KLHL14: variants seen among roughly 807,000 people sequenced by gnomAD.
KLHL14 encodes kelch like family member 14.
In KLHL14, 22 loss-of-function variants were observed where a neutral mutation model predicts 64.3. That is an observed-to-expected ratio of 0.34 (90% CI 0.24 to 0.49). The LOEUF (loss-of-function observed/expected upper bound fraction) is 0.49, where lower values mean the gene tolerates loss of function less well. Among genes scored for constraint, KLHL14 ranks in the 20% least tolerant of loss-of-function variants. The pLI is 0.99. For missense variants in KLHL14, 661 were observed against 789.0 expected (o/e 0.84, Z 1.94); for synonymous variants, 322 against 333.4 (o/e 0.97, Z 0.37).
intron 7 of KLHL14, among the ~76,000 whole-genome samples, chr18:32,679,155 C>CTGAACATGAACTTGACGAA (rs1475379016): frequency 7.1e-6 from 1 of 141,840 alleles, no homozygotes; most frequent in African/African-American, 2.8e-5. Context: ...ACTGGCATTT[C>CTGAACATGAACTTGACGAA]TGAACATGAA....
chr18:32,745,974 T>C (rs1282712344), intron 2 of KLHL14, among the ~76,000 whole-genome samples: 1 of 152,220 alleles, frequency 6.6e-6, no homozygotes, highest in Non-Finnish European at 1.5e-5. Context: ...ACAGGTTTAA[T>C]TTTAGATTAG....
chr18:32,687,066 T>C, intron 5 of KLHL14, 89 bp downstream of exon 5: 1 of 1,070,278 alleles, frequency 9.3e-7, no homozygotes, highest in Admixed American at 1.7e-5. Context: ...TGACTCTATT[T>C]AGCATTCCTT....
chr18:32,681,172 A>G (rs1287230369), intron 5 of KLHL14, among the ~76,000 whole-genome samples: 1 of 152,126 alleles, frequency 6.6e-6, no homozygotes, highest in Non-Finnish European at 1.5e-5. Flanking sequence ...AGTTACAGGA[A>G]TTTCATCTAA....
chr18:32,728,907 G>C (rs1226079084), intron 3 of KLHL14, among the ~76,000 whole-genome samples: 1 of 152,160 alleles, frequency 6.6e-6, no homozygotes, highest in African/African-American at 2.4e-5. Context: ...TTAGGAAGGA[G>C]GAAGGAAGTC....
intron 3 of KLHL14, among the ~76,000 whole-genome samples, chr18:32,706,639 TG>T (rs1372047899): frequency 6.6e-6 from 1 of 152,168 alleles, no homozygotes; most frequent in African/African-American, 2.4e-5. Flanking sequence ...GTCCCTAAAC[TG>T]GTTTGAACTG....
chr18:32,733,389 G>GGA lies in KLHL14; in HGVS notation c.1069+8537_1069+8538dup, dbSNP rs34935950. Among the ~76,000 whole-genome samples the GGA allele has an allele frequency of 6.2e-3, 919 of 147,478 alleles. 4 individuals carry two copies. Among genetic ancestry groups the GGA allele is most frequent in the East Asian group, 0.027 (136 of 5,048 alleles). ...ACAGAGAGAGAGAAAGAGAGAGAAA[G>GGA]GAGAGAGAGAGAGAGAGAGAGAGAA... On this transcript the variant is annotated intron_variant, in intron 3 of 8. Coordinates refer to ENST00000359358, the MANE Select transcript of KLHL14 (RefSeq NM_020805.3).
intron 5 of KLHL14, among the ~76,000 whole-genome samples, chr18:32,685,128 G>A (rs16963675): frequency 4.6e-5 from 7 of 152,014 alleles, no homozygotes; most frequent in African/African-American, 1.2e-4. Context: ...TCCTGTCAAC[G>A]GTGGCTGCCG....
intron 3 of KLHL14, among the ~76,000 whole-genome samples, chr18:32,696,013 C>T (rs1390095978): frequency 6.6e-6 from 1 of 152,124 alleles, no homozygotes; most frequent in Non-Finnish European, 1.5e-5. Flanking sequence ...ACTCAGGGTG[C>T]TTGGTCGCTT....
chr18:32,756,498 A>G (rs16963849), intron 2 of KLHL14, among the ~76,000 whole-genome samples: 2,841 of 152,236 alleles, frequency 0.019, 92 homozygotes, highest in African/African-American at 0.065. Context: ...GGTCAAAAGA[A>G]TGACTGTTTT....
intron 5 of KLHL14, among the ~76,000 whole-genome samples, chr18:32,684,408 C>G (rs2049860167): frequency 6.6e-6 from 1 of 152,110 alleles, no homozygotes; most frequent in South Asian, 2.1e-4. Context: ...TCCTGGGACT[C>G]AATCTGTCAG....
chr18:32,762,681 G>T (rs2050320775), intron 2 of KLHL14, among the ~76,000 whole-genome samples: 1 of 151,984 alleles, frequency 6.6e-6, no homozygotes, highest in South Asian at 2.1e-4. Context: ...CCTTTCTCTG[G>T]TTAAGTGATC....
At position 32,695,508 on chromosome 18, in the gene KLHL14, T is replaced by C; in HGVS notation, c.1114A>G (p.Asn372Asp). 1 of 1,613,328 alleles carries C rather than the reference T, an allele frequency of 6.2e-7. No homozygotes were observed. The highest frequency in any genetic ancestry group is 8.5e-7 in the Non-Finnish European group (1 of 1,179,436). Residue 372 changes from asparagine to aspartate, a missense_variant, in exon 4 of 9, where the codon AAC becomes GAC. Asn to Asp is a conservative substitution (Grantham distance 23, BLOSUM62 1). Transcript: ENST00000359358. ...SAHHCVVEVE[N>D]FLFVLGGEDQ... The stretch of plus-strand genomic sequence containing the variant: ...TCTCCACCCAACACGAACAAGAAGT[T>C]TTCCACCTCCACAACGCAGTGGTGG...
At chr18:32,728,030 A>G (rs2050116272) in intron 3 of KLHL14, among the ~76,000 whole-genome samples, 1 of 152,162 alleles carries the variant, frequency 6.6e-6, no homozygotes, top group South Asian at 2.1e-4. Context: ...ATTTTCACCT[A>G]GAAAATAATC....
chr18:32,769,912 G>A lies in KLHL14; in HGVS notation c.680C>T (p.Ser227Leu), dbSNP rs1199341775. The A allele has an allele frequency of 6.2e-7, 1 of 1,614,170 alleles. No individual in the cohort carries two copies. The highest frequency in any genetic ancestry group is 1.7e-5 in the Admixed American group (1 of 60,034). ...CTCCGACTCCACGGGGGGCGGCAGC[G>A]AGTCCAGCAGGGCGCGCATCTCCTC... ...NFEEMRALLD[S>L]LPPPVESELA... Residue 227 changes from serine (S) to leucine (L), a missense_variant, in exon 2 of 9, where the codon TCG becomes TTG. This residue lies in a region of KLHL14 where 331 missense variants were observed against 339.0 expected (regional missense o/e 0.98). Transcript: ENST00000359358.
chr18:32,713,060 T>A (rs1254167678), intron 3 of KLHL14, among the ~76,000 whole-genome samples: 1 of 152,200 alleles, frequency 6.6e-6, no homozygotes, highest in African/African-American at 2.4e-5. Flanking sequence ...TAATACTTTG[T>A]TTTTGTTAAT....
At chr18:32,760,283 A>G (rs1182239918) in intron 2 of KLHL14, among the ~76,000 whole-genome samples, 2 of 152,106 alleles carry the variant, frequency 1.3e-5, no homozygotes, top group Non-Finnish European at 2.9e-5. Context: ...ATCACTCTAT[A>G]GAAAATTTGA....
intron 3 of KLHL14, among the ~76,000 whole-genome samples, chr18:32,717,856 A>G (rs1020740238): frequency 3.3e-5 from 5 of 152,212 alleles, no homozygotes; most frequent in South Asian, 2.1e-4. Flanking sequence ...TTGACTTGAC[A>G]TACTGAAGAC....
chr18:32,713,256 C>T (rs1208301796), intron 3 of KLHL14, among the ~76,000 whole-genome samples: 1 of 152,058 alleles, frequency 6.6e-6, no homozygotes, highest in African/African-American at 2.4e-5. Flanking sequence ...TCAATCTAAC[C>T]CCACTTGGGT....
At chr18:32,711,833 C>T (rs1459462886) in intron 3 of KLHL14, among the ~76,000 whole-genome samples, 13 of 152,132 alleles carry the variant, frequency 8.5e-5, no homozygotes, top group Admixed American at 7.2e-4. Flanking sequence ...TTGCTTTATC[C>T]TTCGTAGTTG....
Sources: gnomAD v4.1 joint callset for allele counts (sites outside exome capture counted in the v4.1 genomes callset) on GRCh38, gnomAD v4.1.1 for gene constraint, gnomAD v4.1.1 regional missense constraint, MANE v1.5 for transcripts, NCBI Gene and HGNC (gene_info 2026-07-23, HGNC 2026-07-21) for gene names.